Variants in SOCS7 observed in about 807,000 individuals in gnomAD.
The protein encoded by SOCS7 is suppressor of cytokine signaling 7, also known as NAP-4.
In SOCS7, 18 loss-of-function variants were observed where a neutral mutation model predicts 58.9. The ratio of observed to expected loss-of-function variants is 0.31; its 90% CI spans 0.21 to 0.45. SOCS7 has a LOEUF of 0.45. SOCS7 is among the 20% of genes least tolerant of loss of function. SOCS7 has a pLI of 1.00. For synonymous variants in SOCS7, 388 were observed against 364.3 expected (o/e 1.06, Z -0.74); for missense variants, 667 against 837.3 (o/e 0.80, Z 2.51).
At chr17:38,368,627 A>G (rs1027676867) in intron 6 of SOCS7, among the ~76,000 whole-genome samples, 12 of 151,516 alleles carry the variant, frequency 7.9e-5, no homozygotes, top group South Asian at 4.2e-4. Context: ...TCAGCCTCCT[A>G]TGTAGCTGGG....
At chr17:38,371,766 T>TTG (rs1228088909) in intron 6 of SOCS7, among the ~76,000 whole-genome samples, 3 of 150,060 alleles carry the variant, frequency 2.0e-5, no homozygotes, top group Admixed American at 6.6e-5. Context: ...TTTTTTTTTT[T>TTG]TTTTTTTTTT....
rs1044299272 is a variant in SOCS7 at position 38,377,586 on chromosome 17, A to G, written c.1553-128A>G. 1.0e-4 allele frequency: 71 copies of G among 702,726 alleles called. 1 individual carries two copies. The Middle Eastern group carries it at 4.2e-3, about 42-fold the overall frequency. The allele number at this position is 702,726 out of a possible 1,614,324, so 43.5% of individuals were successfully genotyped here. ...TAAGCAGGAACAGGTAGCTTCAGAGACCTTTGAGCCAGCTTGCCCCCAAAC... is the reference window on the plus strand; with the variant it reads ...TAAGCAGGAACAGGTAGCTTCAGAGGCCTTTGAGCCAGCTTGCCCCCAAAC... On this transcript the variant is annotated intron_variant, in intron 6 of 9. Transcript: ENST00000612932.
At chr17:38,384,999 C>A (rs576803715) in intron 7 of SOCS7, among the ~76,000 whole-genome samples, 1 of 145,784 alleles carries the variant, frequency 6.9e-6, no homozygotes, top group East Asian at 2.1e-4. Context: ...CGGTTTTGAG[C>A]AATTCTCCTG....
Position 38,364,772 on chromosome 17 carries a change from G to A in SOCS7, c.1066G>A (p.Asp356Asn). 1 of 1,613,982 alleles carries A rather than the reference G, an allele frequency of 6.2e-7. No individual in the cohort carries two copies. Among genetic ancestry groups the A allele is most frequent in the Non-Finnish European group, 8.5e-7 (1 of 1,179,974 alleles). Residue 356 changes from aspartate to asparagine, a missense_variant, in exon 3 of 10, where the codon GAT becomes AAT. By Grantham distance (23) the Asp-to-Asn change is conservative (BLOSUM62 1). Transcript: ENST00000612932. The part of the protein sequence containing the change: ...LFTGETVSLV[D>N]VDISQRGLTS... ...CTCAGGTGAAACTGTGTCGCTTGTG[G>A]ATGTGGACATTTCTCAGCGGGGCCT...
intron 6 of SOCS7, among the ~76,000 whole-genome samples, chr17:38,371,754 GTTT>G (rs770296566): frequency 2.8e-5 from 2 of 72,194 alleles, no homozygotes; most frequent in African/African-American, 5.5e-5. Flanking sequence ...GCCCTTTTGT[GTTT>G]TTTTTTTTTT....
At position 38,364,748 on chromosome 17, in the gene SOCS7, T is replaced by C; in HGVS notation, c.1046-4T>C. ...GTAACTTGCTTGCTCCATGAATCCC[T>C]CAGGTGAAACTGTGTCGCTTGTGGA... On this transcript the variant is annotated splice_polypyrimidine_tract_variant and splice_region_variant and intron_variant, in intron 2 of 9. Transcript: ENST00000612932. 6.2e-7 allele frequency: 1 copy of C among 1,613,454 alleles called. No homozygotes were observed. The highest frequency in any genetic ancestry group is 1.1e-5 in the South Asian group (1 of 91,052).
intron 7 of SOCS7, among the ~76,000 whole-genome samples, chr17:38,390,876 A>G (rs1368384541): frequency 6.6e-6 from 1 of 151,854 alleles, no homozygotes; most frequent in Non-Finnish European, 1.5e-5. Flanking sequence ...TTATATTTTT[A>G]GTAGAGATGG....
intron 7 of SOCS7, among the ~76,000 whole-genome samples, chr17:38,384,290 A>C (rs925951874): frequency 6.6e-6 from 1 of 152,034 alleles, no homozygotes; most frequent in African/African-American, 2.4e-5. Context: ...TTTAGTGTTT[A>C]AATATACTTT....
chr17:38,374,915 G>A (rs557118637), intron 6 of SOCS7, among the ~76,000 whole-genome samples: 9 of 152,320 alleles, frequency 5.9e-5, no homozygotes, highest in South Asian at 4.1e-4. Context: ...TAAAACCAAA[G>A]CAAATGGTAG....
intron 1 of SOCS7, 105 bp from the exon 2 acceptor site, chr17:38,361,606 G>T: frequency 2.3e-6 from 2 of 852,334 alleles, no homozygotes; most frequent in South Asian, 2.6e-5. Flanking sequence ...AACGACTAGG[G>T]TTTGCTTTAT....
chr17:38,361,411 A>C (rs117077807), intron 1 of SOCS7, among the ~76,000 whole-genome samples: 1 of 152,232 alleles, frequency 6.6e-6, no homozygotes, highest in Non-Finnish European at 1.5e-5. Flanking sequence ...TCCTCTTGAA[A>C]TGGACTTGCT....
chr17:38,388,932 GCTT>G lies in SOCS7; in HGVS notation c.1682-6373_1682-6371del, dbSNP rs1490036331. ...TTTTGGCTATTATGAAATAAATAAT[GCTT>G]CTTTGAACATTCATGTACAGCTGTT... is the stretch of plus-strand genomic sequence containing the variant. On this transcript the variant is annotated intron_variant, in intron 7 of 9. Coordinates refer to ENST00000612932, the MANE Select transcript of SOCS7 (RefSeq NM_014598.4). Among the ~76,000 whole-genome samples the G allele has an allele frequency of 4.6e-5, 7 of 152,070 alleles. No homozygotes were observed. In the East Asian group the frequency reaches 1.3e-3, roughly 29 times the overall value.
intron 6 of SOCS7, among the ~76,000 whole-genome samples, chr17:38,371,794 G>T (rs2144348447): frequency 1.2e-5 from 1 of 81,656 alleles, no homozygotes; most frequent in African/African-American, 4.8e-5. Flanking sequence ...TGATTCCTTT[G>T]GAATCTGGTG....
intron 6 of SOCS7, among the ~76,000 whole-genome samples, chr17:38,368,489 C>G (rs1348007383): frequency 1.3e-5 from 2 of 150,734 alleles, no homozygotes; most frequent in Admixed American, 6.6e-5. Context: ...TGTAACTGTT[C>G]TGTTCTGAAT....
intron 9 of SOCS7, among the ~76,000 whole-genome samples, chr17:38,398,420 T>C (rs1377806026): frequency 6.6e-6 from 1 of 151,908 alleles, no homozygotes; most frequent in Non-Finnish European, 1.5e-5. Flanking sequence ...TAATTTTGTA[T>C]TTTTAGTAGA....
At position 38,403,068 on chromosome 17, in the gene SOCS7, GC is replaced by G. The variant is rs2038343244; in HGVS notation, c.*3588del. ...TTTGGGACCATTGGTGCTGACCTTTGCCTGGTCACCTGCCTGTGCCTAGGCC... is the reference window on the plus strand; with the variant it reads ...TTTGGGACCATTGGTGCTGACCTTTGCTGGTCACCTGCCTGTGCCTAGGCC... On this transcript the variant is annotated 3_prime_UTR_variant, in exon 10 of 10. Coordinates refer to ENST00000612932, the MANE Select transcript of SOCS7 (RefSeq NM_014598.4). 1 of 152,278 alleles carries G rather than the reference GC, an allele frequency of 6.6e-6. No individual in the cohort carries two copies. Among genetic ancestry groups the G allele is most frequent in the African/African-American group, 2.4e-5 (1 of 41,536 alleles). 9.4% of individuals were successfully genotyped at this position (152,278 alleles called of 1,614,324 possible).
At chr17:38,358,580 G>GT (rs1428168447) in intron 1 of SOCS7, among the ~76,000 whole-genome samples, 5 of 148,662 alleles carry the variant, frequency 3.4e-5, no homozygotes, top group African/African-American at 1.2e-4. Flanking sequence ...TTGCTTTGTT[G>GT]TTGTTTTTTT....
intron 7 of SOCS7, among the ~76,000 whole-genome samples, chr17:38,391,585 T>G: frequency 6.6e-6 from 1 of 151,942 alleles, no homozygotes; most frequent in African/African-American, 2.4e-5. Context: ...TTTGTAGAGG[T>G]AAGGTCTCCC....
chr17:38,362,869 G>A (rs1555567770), intron 2 of SOCS7, among the ~76,000 whole-genome samples: 1 of 152,210 alleles, frequency 6.6e-6, no homozygotes, highest in East Asian at 1.9e-4. Context: ...CCAGCACTTT[G>A]GGAGGTTGAA....
Sources: gnomAD v4.1 joint callset for allele counts (sites outside exome capture counted in the v4.1 genomes callset) on GRCh38, gnomAD v4.1.1 for gene constraint, MANE v1.5 for transcripts, NCBI Gene and HGNC (gene_info 2026-07-23, HGNC 2026-07-21) for gene names.